IDH3G: variants seen among roughly 807,000 people sequenced by gnomAD.
IDH3G encodes isocitrate dehydrogenase [NAD] subunit gamma, mitochondrial.
A neutral mutation model predicts 26.9 loss-of-function variants in IDH3G; 9 were observed. The observed-to-expected ratio is 0.34, with a 90% CI of 0.20 to 0.58. The LOEUF (loss-of-function observed/expected upper bound fraction) is 0.58, where lower values mean the gene tolerates loss of function less well. Ranked by LOEUF, IDH3G falls within the 20% of genes least tolerant of loss-of-function variation. The pLI, the probability that IDH3G is intolerant of heterozygous loss-of-function variation, is 0.85. For synonymous variants in IDH3G, 181 were observed against 160.0 expected (o/e 1.13, Z -0.99); for missense variants, 250 against 372.8 (o/e 0.67, Z 2.71).
chrX:153,790,267 C>T lies in IDH3G; in HGVS notation c.161G>A (p.Arg54Gln), dbSNP rs782433072. ...CCCTGGGATCATGGTCACCGTGTGC[C>T]GCCCGCCATACTTAGCGGACGGAGG... ...TIPPSAKYGG[R>Q]HTVTMIPGDG... Residue 54 changes from arginine to glutamine, a missense_variant, in exon 4 of 13, where the codon CGG becomes CAG. Around this residue, in one of 2 missense-constraint regions of IDH3G, gnomAD observed 201 missense variants for 331.3 expected, o/e 0.61. Transcript: ENST00000217901. The T allele has an allele frequency of 7.4e-6, 9 of 1,209,469 alleles. No homozygotes were observed. The highest frequency in any genetic ancestry group is 8.9e-6 in the Non-Finnish European group (8 of 894,382).
chrX:153,788,058 G>A lies in IDH3G; in HGVS notation c.407+17C>T, dbSNP rs367626655. ...CTTAGCCCCACCAAGCCCCCAGCCC[G>A]CACACCCGGATCTCACCGAAGGATG... On this transcript the variant is annotated intron_variant, in intron 6 of 12. Coordinates refer to ENST00000217901, the MANE Select transcript of IDH3G (RefSeq NM_004135.4). 2.4e-5 allele frequency: 29 copies of A among 1,209,750 alleles called. No individual in the cohort carries two copies. The highest frequency in any genetic ancestry group is 2.1e-4 in the African/African-American group (12 of 57,375).
intron 5 of IDH3G, 75 bp from the exon 6 acceptor site, chrX:153,788,210 G>T: frequency 2.9e-6 from 3 of 1,031,008 alleles, no homozygotes; most frequent in South Asian, 3.8e-5. Flanking sequence ...AAGGCTGCCG[G>T]GGTCAGAAGA....
intron 1 of IDH3G, chrX:153,791,077 G>A (rs17431): frequency 0.038 from 13,948 of 364,215 alleles, 263 homozygotes; most frequent in Middle Eastern, 0.11. Context: ...GCCTCCTTCC[G>A]CTCTTCAGAA....
In IDH3G at chrX:153,787,514, C is replaced by T. The variant is rs782125301; in HGVS notation, c.624G>A (p.Ala208=). 10 of 1,211,587 alleles carry T rather than the reference C, an allele frequency of 8.3e-6. No homozygotes were observed. Among genetic ancestry groups the T allele is most frequent in the African/African-American group, 3.5e-5 (2 of 57,923 alleles). ...LRIAEYAFKL[A]QESGRKKVTA... ...TCACTTTCTTGCGCCCGCTCTCCTGCGCCAGCTTGAAGGCATACTCGGCAA... is the reference window on the plus strand; with the variant it reads ...TCACTTTCTTGCGCCCGCTCTCCTGTGCCAGCTTGAAGGCATACTCGGCAA... Residue 208 remains alanine (A), a synonymous_variant, in exon 8 of 13, where the codon GCG becomes GCA. Coordinates refer to ENST00000217901, the MANE Select transcript of IDH3G (RefSeq NM_004135.4).
At chrX:153,787,340 G>T in intron 8 of IDH3G, 124 bp downstream of exon 8, 1 of 933,066 alleles carries the variant, frequency 1.1e-6, no homozygotes, top group Non-Finnish European at 1.5e-6. Context: ...GGGCAACAGG[G>T]CACTCGCCTA....
At chrX:153,792,059 G>A (rs1209676541) in intron 1 of IDH3G, among the ~76,000 whole-genome samples, 1 of 112,164 alleles carries the variant, frequency 8.9e-6, no homozygotes, top group Non-Finnish European at 1.9e-5. Flanking sequence ...CGCAGAAAGC[G>A]GCTTCGATGG....
intron 8 of IDH3G, 21 bp from the exon 9 acceptor site, chrX:153,787,174 G>A: frequency 8.8e-7 from 1 of 1,138,623 alleles, no homozygotes; most frequent in Non-Finnish European, 1.2e-6. Flanking sequence ...GTTAGGAATA[G>A]GACACCAGCT....
Position 153,785,953 on chromosome X carries a change from C to A in IDH3G, c.1101G>T (p.Gly367=), listed in dbSNP as rs374210146. Residue 367 remains glycine, a synonymous_variant, in exon 13 of 13, where the codon GGG becomes GGT. Coordinates refer to ENST00000217901, the MANE Select transcript of IDH3G (RefSeq NM_004135.4). ...TGGCTTCAGATGTTGTGCCCTGGCC[C>A]CCGATGTCCGGAGTGTGCATCTGTA... ...DNENMHTPDI[G]GQGTTSEAIQ... 5 of 1,209,746 alleles carry A rather than the reference C, an allele frequency of 4.1e-6. No individual in the cohort carries two copies. The African/African-American group carries it at 8.7e-5, about 21-fold the overall frequency.
chrX:153,788,577 G>A (rs1475431667), intron 5 of IDH3G, among the ~76,000 whole-genome samples: 23 of 112,951 alleles, frequency 2.0e-4, no homozygotes, highest in Non-Finnish European at 3.8e-4. Context: ...AGAAGGCCAC[G>A]GATTGGCCGG....
At position 153,794,254 on chromosome X, in the gene IDH3G, G is replaced by C. The variant is rs1308495555; in HGVS notation, c.73C>G (p.Pro25Ala). Reference protein sequence around the residue: ...AVLGPALLCRPWEVLGAHEVP... With the variant: ...AVLGPALLCRAWEVLGAHEVP... ...GCTCTTTCCCTGCTCACCTCCCAGGGACGGCAGAGAAGGGCTGGCCCGAGC... is the reference window on the plus strand; with the variant it reads ...GCTCTTTCCCTGCTCACCTCCCAGGCACGGCAGAGAAGGGCTGGCCCGAGC... The change falls in exon 1 of 13, where the codon CCC becomes GCC. Residue 25 changes from proline (P) to alanine (A), a missense_variant. Pro to Ala is a conservative substitution (Grantham distance 27, BLOSUM62 -1). Coordinates refer to ENST00000217901, the MANE Select transcript of IDH3G (RefSeq NM_004135.4). 2 of 1,195,005 alleles carry C rather than the reference G, an allele frequency of 1.7e-6. No individual in the cohort carries two copies. Among genetic ancestry groups the C allele is most frequent in the Non-Finnish European group, 2.3e-6 (2 of 887,529 alleles).
At chrX:153,786,126 C>T (rs782710654) in intron 12 of IDH3G, 86 bp downstream of exon 12, 95 of 1,196,667 alleles carry the variant, frequency 7.9e-5, no homozygotes, top group Non-Finnish European at 1.1e-4. Flanking sequence ...CCCCTGGGGG[C>T]TGTGGTCAGT....
At chrX:153,790,757 C>A in intron 2 of IDH3G, 53 bp downstream of exon 2, 1 of 1,169,353 alleles carries the variant, frequency 8.6e-7, no homozygotes, top group South Asian at 1.8e-5. Context: ...CACACGCGCA[C>A]AATTGCGGCC....
In IDH3G at chrX:153,794,257, G is replaced by A. The variant is rs782398547; in HGVS notation, c.70C>T (p.Arg24Cys). The A allele has an allele frequency of 8.4e-7, 1 of 1,195,509 alleles. No individual in the cohort carries two copies. Among genetic ancestry groups the A allele is most frequent in the Non-Finnish European group, 1.1e-6 (1 of 887,477 alleles). The change falls in exon 1 of 13, where the codon CGT becomes TGT. Residue 24 changes from arginine (R) to cysteine (C), a missense_variant. Around this residue, in one of 2 missense-constraint regions of IDH3G, gnomAD observed 49 missense variants for 41.5 expected, o/e 1.18. Coordinates refer to ENST00000217901, the MANE Select transcript of IDH3G (RefSeq NM_004135.4). Reference protein sequence around the residue: ...KAVLGPALLCRPWEVLGAHEV... With the variant: ...KAVLGPALLCCPWEVLGAHEV... ...CTTTCCCTGCTCACCTCCCAGGGAC[G>A]GCAGAGAAGGGCTGGCCCGAGCACC...
At chrX:153,789,279 C>T in intron 5 of IDH3G, 2 of 322,602 alleles carry the variant, frequency 6.2e-6, no homozygotes, top group Non-Finnish European at 1.2e-5. Flanking sequence ...GGCACGACGG[C>T]TCACGCCTGT....
chrX:153,787,193 G>A (rs902659010), intron 8 of IDH3G, 40 bp from the exon 9 acceptor site: 10 of 1,060,493 alleles, frequency 9.4e-6, no homozygotes, highest in Non-Finnish European at 1.3e-5. Flanking sequence ...CTTGGCCATC[G>A]CAACAGTCAG....
At chrX:153,787,415 G>A in intron 8 of IDH3G, 49 bp downstream of exon 8, 1 of 1,179,526 alleles carries the variant, frequency 8.5e-7, no homozygotes, top group Non-Finnish European at 1.1e-6. Flanking sequence ...GCCCAAGCAG[G>A]CCACTGCAGC....
At chrX:153,790,039 G>T in intron 4 of IDH3G, 156 bp downstream of exon 4, 1 of 507,410 alleles carries the variant, frequency 2.0e-6, no homozygotes, top group Non-Finnish European at 3.4e-6. Flanking sequence ...GCCCAGGCCA[G>T]TCTGGCGGGA....
In IDH3G at chrX:153,787,899, A is replaced by G; in HGVS notation, c.464T>C (p.Val155Ala). 4 of 1,211,019 alleles carry G rather than the reference A, an allele frequency of 3.3e-6. No individual in the cohort carries two copies. In the Middle Eastern group the frequency reaches 6.9e-4, roughly 210 times the overall value. The change falls in exon 7 of 13, where the codon GTG becomes GCG. Residue 155 changes from valine to alanine, a missense_variant. Physicochemically the swap from Val to Ala is moderately conservative, Grantham distance 64. Around this residue, in one of 2 missense-constraint regions of IDH3G, gnomAD observed 201 missense variants for 331.3 expected, o/e 0.61. Transcript: ENST00000217901. ...GATGTCTATGTCCTTGTGCCGGGTC[A>G]CCACGCCTGGAAGGCTCTTACAGTG... The part of the protein sequence containing the change: ...VIHCKSLPGV[V>A]TRHKDIDILI...
chrX:153,786,029 C>T (rs782314676), intron 12 of IDH3G, 56 bp from the exon 13 acceptor site: 16 of 1,208,623 alleles, frequency 1.3e-5, no homozygotes, highest in Non-Finnish European at 1.7e-5. Context: ...CCCGCTGTCT[C>T]CTGTGACGTG....
Sources: allele counts gnomAD v4.1 joint callset (sites outside exome capture counted in the v4.1 genomes callset), GRCh38; gene constraint gnomAD v4.1.1; regional missense constraint gnomAD v4.1.1; transcripts MANE v1.5; gene names NCBI Gene and HGNC (gene_info 2026-07-23, HGNC 2026-07-21).